Variants in LHFPL3 observed in about 807,000 individuals in gnomAD.
LHFPL3 encodes LHFPL tetraspan subfamily member 3 protein.
Under a neutral mutation model 19.3 loss-of-function variants are expected in LHFPL3, and 5 were observed. The ratio of observed to expected loss-of-function variants is 0.26; its 90% confidence interval spans 0.14 to 0.54. The LOEUF (loss-of-function observed/expected upper bound fraction) is 0.54, where lower values mean the gene tolerates loss of function less well. LHFPL3 is among the 20% of genes least tolerant of loss of function. LHFPL3 has a pLI of 0.94. For missense variants in LHFPL3, 249 were observed against 307.4 expected, an observed-to-expected ratio of 0.81 and a Z score of 1.42; for synonymous variants, 133 against 126.2, an observed-to-expected ratio of 1.05 and a Z score of -0.36.
intron 1 of LHFPL3, among the ~76,000 whole-genome samples, chr7:104,412,540 C>T (rs1236437669): frequency 6.6e-6 from 1 of 151,920 alleles, no homozygotes; most frequent in African/African-American, 2.4e-5. Flanking sequence ...TCGAACTTGA[C>T]CAATAATTTC....
chr7:104,370,814 G>A (rs1433498980), intron 1 of LHFPL3, among the ~76,000 whole-genome samples: 2 of 152,170 alleles, frequency 1.3e-5, no homozygotes, highest in Non-Finnish European at 2.9e-5. Context: ...CCTGGGAGGC[G>A]GAGGTTGCAG....
At chr7:104,883,425 ATAAG>A (rs912588193) in intron 2 of LHFPL3, among the ~76,000 whole-genome samples, 5 of 152,214 alleles carry the variant, frequency 3.3e-5, no homozygotes, top group African/African-American at 1.2e-4. Flanking sequence ...GAATTGTATT[ATAAG>A]TAAGTCTATT....
intron 1 of LHFPL3, among the ~76,000 whole-genome samples, chr7:104,556,430 A>G (rs188586299): frequency 1.3e-5 from 2 of 152,338 alleles, no homozygotes; most frequent in Admixed American, 6.5e-5. Flanking sequence ...GAAGCTACCA[A>G]GGCTTGGAGG....
At chr7:104,517,184 C>T (rs577155085) in intron 1 of LHFPL3, among the ~76,000 whole-genome samples, 2 of 152,120 alleles carry the variant, frequency 1.3e-5, no homozygotes, top group East Asian at 3.9e-4. Flanking sequence ...GCAAAAATAC[C>T]TAATGGATAC....
At chr7:104,456,662 A>C (rs1020979626) in intron 1 of LHFPL3, among the ~76,000 whole-genome samples, 2 of 152,168 alleles carry the variant, frequency 1.3e-5, no homozygotes, top group Admixed American at 6.6e-5. Context: ...TCTTTGGCGT[A>C]TTTGAATTGC....
chr7:104,806,303 T>C (rs896811854), intron 2 of LHFPL3, among the ~76,000 whole-genome samples: 2 of 152,278 alleles, frequency 1.3e-5, no homozygotes, highest in Admixed American at 6.5e-5. Context: ...AGATGTATTA[T>C]GTCTTTTGAA....
At chr7:104,838,008 C>T (rs1255108837) in intron 2 of LHFPL3, among the ~76,000 whole-genome samples, 1 of 152,022 alleles carries the variant, frequency 6.6e-6, no homozygotes, top group Non-Finnish European at 1.5e-5. Flanking sequence ...GAAGTCTTAC[C>T]CACTCTACTT....
intron 2 of LHFPL3, among the ~76,000 whole-genome samples, chr7:104,871,566 T>C (rs796568268): frequency 6.6e-5 from 10 of 152,350 alleles, no homozygotes; most frequent in African/African-American, 2.2e-4. Flanking sequence ...TTACTTCAGT[T>C]TTTTACTTTG....
chr7:104,365,787 C>CCAAAAAAAAAAAA (rs1554381840), intron 1 of LHFPL3, among the ~76,000 whole-genome samples: 1 of 49,944 alleles, frequency 2.0e-5, no homozygotes, highest in Non-Finnish European at 3.8e-5. Flanking sequence ...GACTCCGTCT[C>CCAAAAAAAAAAAA]AAAAAAAAAA....
chr7:104,775,587 A>G (rs866978978), intron 2 of LHFPL3, among the ~76,000 whole-genome samples: 1 of 152,126 alleles, frequency 6.6e-6, no homozygotes, highest in Non-Finnish European at 1.5e-5. Flanking sequence ...AACACTATAG[A>G]GAATATGGAA....
At chr7:104,779,809 GTCT>G (rs1317132093) in intron 2 of LHFPL3, among the ~76,000 whole-genome samples, 1 of 152,228 alleles carries the variant, frequency 6.6e-6, no homozygotes, top group Non-Finnish European at 1.5e-5. Context: ...ATAATCCATA[GTCT>G]TCTTATCAGA....
chr7:104,566,258 A>G (rs1790122115), intron 1 of LHFPL3, among the ~76,000 whole-genome samples: 1 of 152,112 alleles, frequency 6.6e-6, no homozygotes, highest in East Asian at 1.9e-4. Flanking sequence ...GGCTGAGGTA[A>G]GAAGATTGCT....
chr7:104,484,926 C>G (rs1018244873), intron 1 of LHFPL3, among the ~76,000 whole-genome samples: 1 of 152,124 alleles, frequency 6.6e-6, no homozygotes, highest in Non-Finnish European at 1.5e-5. Flanking sequence ...AAAATCTCAA[C>G]TCTCAATACT....
intron 1 of LHFPL3, among the ~76,000 whole-genome samples, chr7:104,528,755 T>C (rs1424476084): frequency 6.6e-6 from 1 of 152,176 alleles, no homozygotes; most frequent in African/African-American, 2.4e-5. Context: ...TTAAGAGTCA[T>C]AATTATGTGG....
At chr7:104,879,883 A>G (rs1390195341) in intron 2 of LHFPL3, among the ~76,000 whole-genome samples, 1 of 152,184 alleles carries the variant, frequency 6.6e-6, no homozygotes, top group East Asian at 1.9e-4. Flanking sequence ...GCTAGACAGA[A>G]GTCAATGCCT....
At chr7:104,472,884 T>C (rs779694059) in intron 1 of LHFPL3, among the ~76,000 whole-genome samples, 8 of 152,212 alleles carry the variant, frequency 5.3e-5, no homozygotes, top group Non-Finnish European at 1.2e-4. Context: ...TCATAAAATG[T>C]CATAATTCAA....
intron 1 of LHFPL3, among the ~76,000 whole-genome samples, chr7:104,581,998 A>G (rs1012993817): frequency 1.3e-5 from 2 of 151,936 alleles, no homozygotes; most frequent in African/African-American, 2.4e-5. Flanking sequence ...AAGTTTGTTC[A>G]TTTTTATCAG....
At chr7:104,419,512 C>T (rs1398807190) in intron 1 of LHFPL3, among the ~76,000 whole-genome samples, 3 of 152,068 alleles carry the variant, frequency 2.0e-5, no homozygotes, top group Non-Finnish European at 2.9e-5. Flanking sequence ...GAAAAATCAA[C>T]GAGTTCATTT....
At chr7:104,588,700 C>A (rs1359118596) in intron 1 of LHFPL3, among the ~76,000 whole-genome samples, 4 of 152,154 alleles carry the variant, frequency 2.6e-5, no homozygotes, top group Admixed American at 2.6e-4. Context: ...CTATAAATTA[C>A]CTTGGGCAGT....
Sources: allele counts gnomAD v4.1 joint callset (sites outside exome capture counted in the v4.1 genomes callset), GRCh38; gene constraint gnomAD v4.1.1; transcripts MANE v1.5; gene names NCBI Gene and HGNC (gene_info 2026-07-23, HGNC 2026-07-21).